The following SLC9B1 variants were observed in gnomAD, a reference collection of about 807,000 sequenced individuals.
SLC9B1 encodes the protein solute carrier family 9 member B1.
Under a neutral mutation model 51.7 loss-of-function variants are expected in SLC9B1, and 32 were observed. The observed-to-expected ratio is 0.62, with a 90% CI of 0.47 to 0.83. SLC9B1 has a LOEUF of 0.83. SLC9B1 is among the 40% of genes least tolerant of loss of function. SLC9B1 has a pLI of 0.00. For synonymous variants in SLC9B1, 145 were observed against 212.7 expected, an observed-to-expected ratio of 0.68 and a Z score of 2.77; for missense variants, 406 against 613.2, an observed-to-expected ratio of 0.66 and a Z score of 3.57.
intron 1 of SLC9B1, among the ~76,000 whole-genome samples, chr4:103,016,292 C>T (rs959987192): frequency 3.3e-5 from 5 of 151,892 alleles, no homozygotes; most frequent in African/African-American, 1.2e-4. Flanking sequence ...TCATTTCCAC[C>T]CCCCTCTATT....
At chr4:102,890,270 A>G (rs1734172112) in intron 11 of SLC9B1, 1 of 152,232 alleles carries the variant, frequency 6.6e-6, no homozygotes, top group Non-Finnish European at 1.5e-5. Flanking sequence ...CAGGAAGCCA[A>G]TTAAGCCAGC....
Position 102,948,316 on chromosome 4 carries a change from G to A in SLC9B1, c.382+941C>T, listed in dbSNP as rs181942830. On this transcript the variant is annotated intron_variant, in intron 4 of 11. Transcript: ENST00000296422. ...AGTATCACAGTTATACCCGAATCAG[G>A]CAAAGCCATACACACACACACACAC... Among the ~76,000 whole-genome samples the A allele has an allele frequency of 3.0e-3, 342 of 114,676 alleles. 1 individual carries two copies. The highest frequency in any genetic ancestry group is 0.011 in the African/African-American group (315 of 29,946). The allele number at this position is 114,676 out of a possible 152,430, so 75.2% of individuals were successfully genotyped here. A position where few individuals can be genotyped will look rare whatever the true frequency, so the allele number is the denominator to read the frequency against.
At chr4:103,009,876 T>C (rs1041095132) in intron 1 of SLC9B1, among the ~76,000 whole-genome samples, 1 of 151,996 alleles carries the variant, frequency 6.6e-6, no homozygotes, top group African/African-American at 2.4e-5. Context: ...CATGCATGCA[T>C]AACAGAATAC....
chr4:102,892,883 T>A (rs1416806300), intron 11 of SLC9B1: 1 of 152,138 alleles, frequency 6.6e-6, no homozygotes, highest in East Asian at 1.9e-4. Flanking sequence ...AGATATAAAT[T>A]AATCACATCC....
chr4:102,996,298 T>G (rs1693681068), intron 1 of SLC9B1, among the ~76,000 whole-genome samples: 2 of 152,192 alleles, frequency 1.3e-5, no homozygotes, highest in Admixed American at 6.5e-5. Flanking sequence ...AAATCTTTTA[T>G]TGGATATATA....
chr4:102,918,168 T>C (rs184925005), intron 7 of SLC9B1, among the ~76,000 whole-genome samples: 20 of 148,420 alleles, frequency 1.3e-4, no homozygotes, highest in African/African-American at 4.7e-4. Context: ...AGCTAGAATA[T>C]TTAAGAAAAA....
intron 6 of SLC9B1, among the ~76,000 whole-genome samples, chr4:102,935,411 T>G (rs1440908373): frequency 1.3e-5 from 2 of 152,170 alleles, no homozygotes; most frequent in South Asian, 2.1e-4. Flanking sequence ...CAAATTAAAG[T>G]GGCCATACCG....
Position 102,969,348 on chromosome 4 carries a change from C to T in SLC9B1, c.212-19921G>A, listed in dbSNP as rs754679019. 2.0e-5 allele frequency among the ~76,000 whole-genome samples: 3 copies of T among 152,218 alleles called. 1 individual carries two copies. Among genetic ancestry groups the T allele is most frequent in the African/African-American group, 4.8e-5 (2 of 41,448 alleles). ...CCTCCAATGGTGACACCCAGGCAAA[C>T]AGGGTCTGGAGTGGACCTCCAGCAA... On this transcript the variant is annotated intron_variant, in intron 3 of 11. Transcript: ENST00000296422.
Position 102,901,047 on chromosome 4 carries a change from A to G in SLC9B1, c.*70T>C, listed in dbSNP as rs1266133764. The stretch of plus-strand genomic sequence containing the variant: ...CTCTGTACAGTCCCCACATATTTCT[A>G]CTTTAAAATTCTTCTGTCATGTGAA... On this transcript the variant is annotated 3_prime_UTR_variant, in exon 12 of 12. Coordinates refer to ENST00000296422, the MANE Select transcript of SLC9B1 (RefSeq NM_139173.4). 2.5e-6 allele frequency: 4 copies of G among 1,599,716 alleles called. No individual in the cohort carries two copies. Among genetic ancestry groups the G allele is most frequent in the Admixed American group, 1.7e-5 (1 of 59,732 alleles).
intron 3 of SLC9B1, among the ~76,000 whole-genome samples, chr4:102,983,136 A>G (rs1011126880): frequency 2.0e-5 from 3 of 152,136 alleles, no homozygotes. Context: ...TTCTGCATCT[A>G]CTGATATGAT....
intron 11 of SLC9B1, chr4:102,892,025 T>C: frequency 6.6e-6 from 1 of 152,194 alleles, no homozygotes; most frequent in Non-Finnish European, 1.5e-5. Context: ...AAACTTGCTA[T>C]ATTTGATCAT....
intron 3 of SLC9B1, among the ~76,000 whole-genome samples, chr4:102,964,262 A>G (rs573732909): frequency 6.6e-6 from 1 of 152,106 alleles, no homozygotes; most frequent in Non-Finnish European, 1.5e-5. Flanking sequence ...AAAGGAAAAA[A>G]AAAACAAATA....
In SLC9B1 at chr4:102,951,958, A is replaced by ATTTTTTTT. The variant is rs1410808257; in HGVS notation, c.212-2532_212-2531insAAAAAAAA. ...ATAGACTACCAAAGGCAAAAATAAA[A>ATTTTTTTT]TCTTTTTTTTTTTTTTTTTTTTATT... On this transcript the variant is annotated intron_variant, in intron 3 of 11. Transcript: ENST00000296422. Among the ~76,000 whole-genome samples, 5 of 8,220 alleles carry ATTTTTTTT rather than the reference A, an allele frequency of 6.1e-4. 1 individual carries two copies. The highest frequency in any genetic ancestry group is 2.4e-3 in the African/African-American group (5 of 2,042). The allele number at this position is 8,220 out of a possible 152,430, so 5.4% of individuals were successfully genotyped here. A position where few individuals can be genotyped will look rare whatever the true frequency, so the allele number is the denominator to read the frequency against.
At chr4:102,996,501 G>A (rs1187494382) in intron 1 of SLC9B1, among the ~76,000 whole-genome samples, 1 of 151,902 alleles carries the variant, frequency 6.6e-6, no homozygotes, top group Non-Finnish European at 1.5e-5. Flanking sequence ...AAACATTATT[G>A]TTTTGCTTTT....
intron 3 of SLC9B1, among the ~76,000 whole-genome samples, chr4:102,955,360 T>C (rs141784209): frequency 0.017 from 2,642 of 152,298 alleles, 36 homozygotes; most frequent in Middle Eastern, 0.061. Context: ...TAAACCTCTT[T>C]TTCTTCCCAG....
Position 102,949,427 on chromosome 4 carries a change from C to A in SLC9B1, c.212G>T (p.Gly71Val). Residue 71 changes from glycine to valine, a missense_variant and splice_region_variant, in exon 4 of 12, where the codon GGA becomes GTA. Around this residue, in one of 6 missense-constraint regions of SLC9B1, gnomAD observed 108 missense variants for 94.5 expected, o/e 1.14. Coordinates refer to ENST00000296422, the MANE Select transcript of SLC9B1 (RefSeq NM_139173.4). ...ACACCATATCACAAACAGTATAACTCCTGAAATACAAAAAAGTGTACAGCT... is the reference window on the plus strand; with the variant it reads ...ACACCATATCACAAACAGTATAACTACTGAAATACAAAAAAGTGTACAGCT... ...RGVLNVIITN[G>V]VILFVIWCMT... 6.4e-7 allele frequency: 1 copy of A among 1,567,492 alleles called. No homozygotes were observed. The highest frequency in any genetic ancestry group is 8.6e-7 in the Non-Finnish European group (1 of 1,164,042).
intron 11 of SLC9B1, among the ~76,000 whole-genome samples, chr4:102,894,888 C>T (rs1284551186): frequency 1.3e-5 from 2 of 151,884 alleles, no homozygotes; most frequent in Non-Finnish European, 2.9e-5. Flanking sequence ...AGCTGAGATC[C>T]CACCACTGCA....
intron 7 of SLC9B1, among the ~76,000 whole-genome samples, chr4:102,914,813 G>C (rs1338782228): frequency 6.6e-6 from 1 of 152,150 alleles, no homozygotes; most frequent in Non-Finnish European, 1.5e-5. Context: ...TAAAGGGGCA[G>C]AGAGCCAGTT....
intron 4 of SLC9B1, among the ~76,000 whole-genome samples, chr4:102,948,322 C>CCACA (rs1240188410): frequency 2.6e-5 from 2 of 78,070 alleles, no homozygotes; most frequent in African/African-American, 4.8e-5. Context: ...TCAGGCAAAG[C>CCACA]CATACACACA....
Sources: allele counts gnomAD v4.1 joint callset (sites outside exome capture counted in the v4.1 genomes callset), GRCh38; gene constraint gnomAD v4.1.1; regional missense constraint gnomAD v4.1.1; transcripts MANE v1.5; gene names NCBI Gene and HGNC (gene_info 2026-07-23, HGNC 2026-07-21).